The following TRPS1 variants were observed in gnomAD, a reference collection of about 807,000 sequenced individuals.
The protein encoded by TRPS1 is transcriptional repressor GATA binding 1, also known as zinc finger transcription factor Trps1.
In TRPS1, 6 loss-of-function variants were observed where a neutral mutation model predicts 101.2. The observed-to-expected ratio is 0.06, with a 90% CI of 0.03 to 0.12. TRPS1 has a LOEUF of 0.12. Ranked by LOEUF, TRPS1 falls within the 10% of genes least tolerant of loss-of-function variation. TRPS1 has a pLI of 1.00. For synonymous variants in TRPS1, 578 were observed against 589.8 expected (o/e 0.98, Z 0.29); for missense variants, 1,363 against 1,567.0 (o/e 0.87, Z 2.20).
At chr8:115,667,518 G>T (rs141227949) in intron 1 of TRPS1, among the ~76,000 whole-genome samples, 10 of 152,260 alleles carry the variant, frequency 6.6e-5, no homozygotes, top group African/African-American at 2.4e-4. Flanking sequence ...TTTAATCACC[G>T]GCCAGTGTCC....
rs762205938 is a variant in TRPS1 at position 115,619,960 on chromosome 8, C to A, written c.138G>T (p.Lys46Asn). 34 of 1,614,168 alleles carry A rather than the reference C, an allele frequency of 2.1e-5. No individual in the cohort carries two copies. The South Asian group carries it at 3.6e-4, about 17-fold the overall frequency. Residue 46 changes from lysine to asparagine, a missense_variant, in exon 3 of 7, where the codon AAG (lysine) becomes AAT (asparagine). By Grantham distance (94) the Lys-to-Asn change is moderately conservative (BLOSUM62 0). Coordinates refer to ENST00000395715, the MANE Select transcript of TRPS1 (RefSeq NM_014112.5). ...PIGTESKVSG[K>N]NKEFSADQMS... ...TCTGATCTGCAGAAAATTCTTTGTT[C>A]TTTCCAGATACCTTGCTTTCTGTAC...
At chr8:115,558,015 C>T (rs758472999) in intron 5 of TRPS1, among the ~76,000 whole-genome samples, 9 of 151,316 alleles carry the variant, frequency 5.9e-5, no homozygotes, top group Non-Finnish European at 1.3e-4. Flanking sequence ...AACTAAGAAA[C>T]TCTAAGCTTA....
At chr8:115,572,322 T>A (rs893059926) in intron 5 of TRPS1, among the ~76,000 whole-genome samples, 2 of 152,180 alleles carry the variant, frequency 1.3e-5, no homozygotes, top group African/African-American at 2.4e-5. Context: ...TAGTGTACTA[T>A]GTTTCTTAAG....
chr8:115,426,702 A>C (rs1813195030), intron 5 of TRPS1, among the ~76,000 whole-genome samples: 1 of 152,152 alleles, frequency 6.6e-6, no homozygotes, highest in Non-Finnish European at 1.5e-5. Flanking sequence ...ATAAAGTGTA[A>C]AATATTTACA....
chr8:115,546,125 G>A (rs1263200083), intron 5 of TRPS1, among the ~76,000 whole-genome samples: 3 of 151,680 alleles, frequency 2.0e-5, no homozygotes, highest in African/African-American at 4.8e-5. Context: ...AAATGTCAAT[G>A]GTGGGCAGCA....
intron 5 of TRPS1, among the ~76,000 whole-genome samples, chr8:115,487,206 C>T (rs1814903565): frequency 6.6e-6 from 1 of 151,936 alleles, no homozygotes; most frequent in African/African-American, 2.4e-5. Flanking sequence ...ACATCTGTTA[C>T]AGCATGGTTT....
At chr8:115,428,379 A>G (rs769185697) in intron 5 of TRPS1, among the ~76,000 whole-genome samples, 3 of 152,216 alleles carry the variant, frequency 2.0e-5, no homozygotes, top group Admixed American at 6.5e-5. Flanking sequence ...TTTGCATTTC[A>G]TCACAGAAGA....
intron 1 of TRPS1, among the ~76,000 whole-genome samples, chr8:115,656,239 T>A (rs1385584751): frequency 6.6e-6 from 1 of 152,176 alleles, no homozygotes; most frequent in East Asian, 1.9e-4. Flanking sequence ...TATTTGTTTT[T>A]ACACATAATT....
chr8:115,454,938 G>A (rs1449688217), intron 5 of TRPS1, among the ~76,000 whole-genome samples: 1 of 152,172 alleles, frequency 6.6e-6, no homozygotes, highest in Non-Finnish European at 1.5e-5. Context: ...TAGGCTTCCA[G>A]ATACCATGTG....
chr8:115,575,666 C>T (rs1303444500), intron 5 of TRPS1, among the ~76,000 whole-genome samples: 1 of 152,042 alleles, frequency 6.6e-6, no homozygotes, highest in Non-Finnish European at 1.5e-5. Context: ...CTGAAACCCA[C>T]AGGAGCTAAG....
intron 1 of TRPS1, among the ~76,000 whole-genome samples, chr8:115,666,722 G>A (rs1211217155): frequency 6.6e-6 from 1 of 152,236 alleles, no homozygotes; most frequent in Non-Finnish European, 1.5e-5. Flanking sequence ...GGACTTTGAA[G>A]AATTGTTGGA....
rs777234043 is a variant in TRPS1, at chr8:115,414,298, C to T, written c.3610G>A (p.Val1204Ile). The T allele has an allele frequency of 6.2e-6, 10 of 1,613,942 alleles. No homozygotes were observed. The highest frequency in any genetic ancestry group is 2.2e-5 in the South Asian group (2 of 91,084). Residue 1204 changes from valine to isoleucine, a missense_variant, in exon 7 of 7, where the codon GTA becomes ATA. Around this residue, in one of 5 missense-constraint regions of TRPS1, gnomAD observed 307 missense variants for 392.4 expected, o/e 0.78. Transcript: ENST00000395715. This position sits in a 1 kb window ranked among gnomAD's most constrained non-coding sequence, Gnocchi z 4.8. Reference sequence around the variant, plus strand: ...ACATTCAAGGGACCTTCATTTTTTACATTTGGTGGTGCCTTCGTTTTCTCC... The same window carrying T: ...ACATTCAAGGGACCTTCATTTTTTATATTTGGTGGTGCCTTCGTTTTCTCC... ...SKEKTKAPPN[V>I]KNEGPLNVVK... is the part of the protein sequence containing the mutation.
At chr8:115,465,619 T>C (rs995145314) in intron 5 of TRPS1, among the ~76,000 whole-genome samples, 3 of 152,142 alleles carry the variant, frequency 2.0e-5, no homozygotes, top group African/African-American at 4.8e-5. Flanking sequence ...TCCTAGGTAA[T>C]ATTATTAAGT....
chr8:115,567,488 T>C (rs1817096461), intron 5 of TRPS1, among the ~76,000 whole-genome samples: 1 of 152,074 alleles, frequency 6.6e-6, no homozygotes. Flanking sequence ...CAAAGAAGGA[T>C]CTTTGCCAAA....
At chr8:115,426,601 T>C (rs1476932575) in intron 5 of TRPS1, among the ~76,000 whole-genome samples, 2 of 152,216 alleles carry the variant, frequency 1.3e-5, no homozygotes, top group East Asian at 3.8e-4. Flanking sequence ...TCGAGGCAGC[T>C]ATATACAATT....
At chr8:115,450,618 T>G (rs1380203926) in intron 5 of TRPS1, among the ~76,000 whole-genome samples, 1 of 152,176 alleles carries the variant, frequency 6.6e-6, no homozygotes, top group Non-Finnish European at 1.5e-5. Flanking sequence ...TCTTGTGGCC[T>G]GGGAAGGTCT....
intron 3 of TRPS1, among the ~76,000 whole-genome samples, chr8:115,616,525 C>CTT (rs58999466): frequency 0.019 from 2,647 of 138,282 alleles, 72 homozygotes; most frequent in African/African-American, 0.059. Flanking sequence ...GCTTCTGTTA[C>CTT]TTTTTTTTTT....
intron 1 of TRPS1, chr8:115,637,415 T>C (rs989382055): frequency 7.9e-6 from 5 of 630,522 alleles, no homozygotes; most frequent in Non-Finnish European, 7.9e-6. Flanking sequence ...TGAAGAAAAG[T>C]GATGGGTTTC....
intron 5 of TRPS1, among the ~76,000 whole-genome samples, chr8:115,434,731 C>T (rs565292069): frequency 4.6e-5 from 7 of 152,224 alleles, no homozygotes; most frequent in South Asian, 2.1e-4. Context: ...TTAGATTTTC[C>T]GTAGCAACAA....
Sources: gnomAD v4.1 joint callset for allele counts (sites outside exome capture counted in the v4.1 genomes callset) on GRCh38, gnomAD v4.1.1 for gene constraint, gnomAD v4.1.1 regional missense constraint, Gnocchi (gnomAD v3.1) non-coding constraint, MANE v1.5 for transcripts, NCBI Gene and HGNC (gene_info 2026-07-23, HGNC 2026-07-21) for gene names.